PSD3: variants seen among roughly 807,000 people sequenced by gnomAD.
PSD3 encodes PH and SEC7 domain-containing protein 3.
A neutral mutation model predicts 105.5 loss-of-function variants in PSD3; 49 were observed. The ratio of observed to expected loss-of-function variants is 0.46; its 90% CI spans 0.37 to 0.59. The LOEUF (loss-of-function observed/expected upper bound fraction) is 0.59. Ranked by LOEUF, PSD3 falls within the 20% of genes least tolerant of loss-of-function variation. PSD3 has a pLI of 0.00. For missense variants in PSD3, 1,561 were observed against 1,263.8 expected, an observed-to-expected ratio of 1.24 and a Z score of -3.57; for synonymous variants, 557 against 457.8, an observed-to-expected ratio of 1.22 and a Z score of -2.77.
chr8:18,575,217 T>C lies in PSD3; in HGVS notation c.2550A>G (p.Ala850=), dbSNP rs776481253. ...DLKNAVSVHH[A]LASKATDYEK... is the part of the protein sequence containing the mutation. The stretch of plus-strand genomic sequence containing the variant: ...CATAGTCCGTGGCCTTGGATGCCAA[T>C]GCGTGGTGCACACTCACAGCGTTTT... The change falls in exon 13 of 16, where the codon GCA becomes GCG. Residue 850 remains alanine, a synonymous_variant. Coordinates refer to ENST00000327040, the MANE Select transcript of PSD3 (RefSeq NM_015310.4). 8.7e-6 allele frequency: 14 copies of C among 1,613,876 alleles called. No individual in the cohort carries two copies. The highest frequency in any genetic ancestry group is 2.2e-5 in the East Asian group (1 of 44,864).
intron 12 of PSD3, among the ~76,000 whole-genome samples, chr8:18,576,318 A>G (rs909941506): frequency 5.9e-5 from 9 of 152,334 alleles, no homozygotes; most frequent in African/African-American, 1.9e-4. Context: ...CACATTTATA[A>G]TATTAAACGA....
chr8:18,828,067 A>ATTTTTT (rs71218905), intron 4 of PSD3, among the ~76,000 whole-genome samples: 1 of 118,896 alleles, frequency 8.4e-6, no homozygotes, highest in African/African-American at 3.5e-5. Flanking sequence ...ATATATATAT[A>ATTTTTT]TTTTTTTTTT....
At chr8:18,729,031 T>C (rs1446740682) in intron 9 of PSD3, among the ~76,000 whole-genome samples, 1 of 152,206 alleles carries the variant, frequency 6.6e-6, no homozygotes, top group Admixed American at 6.5e-5. Flanking sequence ...ACCTGTTGAT[T>C]TGAAAACTTT....
intron 12 of PSD3, among the ~76,000 whole-genome samples, chr8:18,597,115 A>G (rs149101052): frequency 0.019 from 744 of 39,708 alleles, 301 homozygotes; most frequent in African/African-American, 0.038. Context: ...AGGATCTACA[A>G]CTATCTGATC....
intron 9 of PSD3, chr8:18,762,792 C>T: frequency 3.6e-6 from 2 of 552,654 alleles, no homozygotes; most frequent in East Asian, 6.9e-5. Context: ...GGACTGTACA[C>T]AAGCTTCTCA....
chr8:18,615,609 C>G (rs1049959201), intron 11 of PSD3, among the ~76,000 whole-genome samples: 4 of 152,164 alleles, frequency 2.6e-5, no homozygotes, highest in Admixed American at 2.0e-4. Context: ...GAACATTGAT[C>G]AAGAAAATCA....
At chr8:18,604,011 T>C (rs574025639) in intron 11 of PSD3, among the ~76,000 whole-genome samples, 6 of 152,288 alleles carry the variant, frequency 3.9e-5, no homozygotes, top group African/African-American at 1.4e-4. Flanking sequence ...AATGGACCAA[T>C]ACAGAAAATT....
rs143275877 is a variant in PSD3, at chr8:18,816,185, CAT to C, written c.1635-11289_1635-11288del. 7.1e-3 allele frequency among the ~76,000 whole-genome samples: 1,087 copies of C among 152,246 alleles called. 9 individuals are homozygous for C. Among genetic ancestry groups the C allele is most frequent in the African/African-American group, 0.025 (1,021 of 41,540 alleles). On this transcript the variant is annotated intron_variant, in intron 4 of 15. Transcript: ENST00000327040. ...AATATCAATAAATATTTTGTCTTAA[CAT>C]ATTTTTATGAAGAATTCCAGAATGT...
At chr8:18,745,851 G>A (rs1274797632) in intron 9 of PSD3, among the ~76,000 whole-genome samples, 2 of 152,146 alleles carry the variant, frequency 1.3e-5, no homozygotes, top group East Asian at 1.9e-4. Flanking sequence ...ATACCACAGG[G>A]TTCCTTATTC....
intron 4 of PSD3, among the ~76,000 whole-genome samples, chr8:18,845,147 T>C (rs1469286918): frequency 6.6e-6 from 1 of 152,214 alleles, no homozygotes; most frequent in Non-Finnish European, 1.5e-5. Flanking sequence ...GCTTTGAAAG[T>C]AAAAAGAATA....
At chr8:18,626,322 A>T (rs1345742721) in intron 11 of PSD3, among the ~76,000 whole-genome samples, 1 of 146,522 alleles carries the variant, frequency 6.8e-6, no homozygotes, top group Non-Finnish European at 1.5e-5. Context: ...CATTTAAAAC[A>T]AAATAACCTT....
At chr8:18,726,766 T>G (rs954248082) in intron 9 of PSD3, among the ~76,000 whole-genome samples, 4 of 152,180 alleles carry the variant, frequency 2.6e-5, no homozygotes, top group Non-Finnish European at 5.9e-5. Flanking sequence ...TCATTCCAAC[T>G]AAACCAAAAC....
intron 9 of PSD3, among the ~76,000 whole-genome samples, chr8:18,660,347 G>T (rs911901557): frequency 2.0e-5 from 3 of 152,110 alleles, no homozygotes; most frequent in African/African-American, 7.2e-5. Flanking sequence ...AAAAAGCCCT[G>T]TTGACCTCTT....
intron 12 of PSD3, among the ~76,000 whole-genome samples, chr8:18,578,343 C>T (rs530212364): frequency 2.6e-5 from 4 of 152,238 alleles, no homozygotes; most frequent in African/African-American, 9.6e-5. Context: ...GTAGCTAAGA[C>T]AGATTTAAGG....
chr8:18,776,837 C>T (rs1305839680), intron 8 of PSD3, among the ~76,000 whole-genome samples: 4 of 152,112 alleles, frequency 2.6e-5, no homozygotes, highest in Admixed American at 6.6e-5. Context: ...CTTCGTGGTT[C>T]TTGAATCTTC....
intron 9 of PSD3, among the ~76,000 whole-genome samples, chr8:18,735,235 C>A (rs571739431): frequency 6.6e-6 from 1 of 151,978 alleles, no homozygotes; most frequent in African/African-American, 2.4e-5. Flanking sequence ...GACTACTTAC[C>A]GCCAGGGCAG....
intron 12 of PSD3, among the ~76,000 whole-genome samples, chr8:18,588,274 G>A (rs895915034): frequency 2.6e-5 from 4 of 152,118 alleles, no homozygotes; most frequent in Non-Finnish European, 4.4e-5. Context: ...GAACCAGGTA[G>A]AAACCACACA....
In PSD3 at chr8:18,532,166, T is replaced by C. The variant is rs1297398863; in HGVS notation, c.*3577A>G. 1 of 152,218 alleles carries C rather than the reference T, an allele frequency of 6.6e-6. No individual in the cohort carries two copies. The highest frequency in any genetic ancestry group is 2.4e-5 in the African/African-American group (1 of 41,456). The allele number at this position is 152,218 out of a possible 1,614,324, so 9.4% of individuals were successfully genotyped here. ...ACAAGCAGGCCCTGCCTCTCATCCT[T>C]CCCAGATCTTTACATGATAGAGGGA... is the stretch of plus-strand genomic sequence containing the variant. On this transcript the variant is annotated 3_prime_UTR_variant, in exon 16 of 16. Transcript: ENST00000327040.
intron 1 of PSD3, among the ~76,000 whole-genome samples, chr8:19,059,717 G>T (rs1350086819): frequency 6.6e-6 from 1 of 152,200 alleles, no homozygotes; most frequent in Non-Finnish European, 1.5e-5. Context: ...AAGAAGAAAG[G>T]TTAGAAAATA....
Sources: allele counts gnomAD v4.1 joint callset (sites outside exome capture counted in the v4.1 genomes callset), GRCh38; gene constraint gnomAD v4.1.1; transcripts MANE v1.5; gene names NCBI Gene and HGNC (gene_info 2026-07-23, HGNC 2026-07-21).